The following RNF213 variants were observed in gnomAD, a reference collection of about 807,000 sequenced individuals.
RNF213 encodes E3 ubiquitin-protein ligase RNF213.
In RNF213, 341 loss-of-function variants were observed where a neutral mutation model predicts 514.4. That is an observed-to-expected ratio of 0.66 (90% confidence interval 0.61 to 0.73). The LOEUF (loss-of-function observed/expected upper bound fraction) is 0.73, where lower values mean the gene tolerates loss of function less well. Among genes scored for constraint, RNF213 ranks in the 30% least tolerant of loss-of-function variants. The pLI, the probability that RNF213 is intolerant of heterozygous loss-of-function variation, is 0.00. For missense variants in RNF213, 5,767 were observed against 6,615.6 expected, an observed-to-expected ratio of 0.87 and a Z score of 4.45; for synonymous variants, 2,655 against 2,658.2, an observed-to-expected ratio of 1.00 and a Z score of 0.04.
In RNF213 at chr17:80,346,495, G is replaced by A. The variant is rs538295524; in HGVS notation, c.8160G>A (p.Leu2720=). Residue 2720 remains leucine, a synonymous_variant, in exon 29 of 68, where the codon CTG becomes CTA. Transcript: ENST00000582970. This position sits in a 1 kb window ranked among gnomAD's most constrained non-coding sequence, Gnocchi z 8.1. ...FFPKPYDDSR[L]LLDEITRAQD... ...CGAAACCGTATGACGACAGCAGGCT[G>A]CTTCTGGATGAAATAACACGGGCAC... The A allele has an allele frequency of 1.2e-6, 2 of 1,613,800 alleles. No homozygotes were observed. The highest frequency in any genetic ancestry group is 1.7e-5 in the Admixed American group (1 of 60,024).
At chr17:80,306,152 G>C in intron 11 of RNF213, 100 bp from the exon 12 acceptor site, 1 of 1,168,256 alleles carries the variant, frequency 8.6e-7, no homozygotes, top group Non-Finnish European at 1.3e-6. Context: ...AATCATTTTT[G>C]AATTCGGGAC....
In RNF213 at chr17:80,325,111, T is replaced by A; in HGVS notation, c.3106T>A (p.Ser1036Thr). The change falls in exon 18 of 68, where the codon TCC becomes ACC. Residue 1036 changes from serine (S) to threonine (T), a missense_variant. Coordinates refer to ENST00000582970, the MANE Select transcript of RNF213 (RefSeq NM_001256071.3). ...GIVLSAVITKSWPRTADNFDD... is the reference protein window; with the variant it reads ...GIVLSAVITKTWPRTADNFDD... ...CGTCTTGTCTGCTGTGATCACTAAGTCCTGGCCTAGGACCGCGGACAACTT... is the reference window on the plus strand; with the variant it reads ...CGTCTTGTCTGCTGTGATCACTAAGACCTGGCCTAGGACCGCGGACAACTT... 6.5e-7 allele frequency: 1 copy of A among 1,537,196 alleles called. No individual in the cohort carries two copies. Among genetic ancestry groups the A allele is most frequent in the Non-Finnish European group, 8.7e-7 (1 of 1,146,902 alleles).
chr17:80,381,159 T>C (rs773336941), intron 56 of RNF213, 172 bp downstream of exon 56: 1 of 742,544 alleles, frequency 1.3e-6, no homozygotes, highest in South Asian at 1.5e-5. Flanking sequence ...TGGCGTATGA[T>C]GGTATGGGGG....
intron 2 of RNF213, among the ~76,000 whole-genome samples, chr17:80,267,731 C>T (rs1209181089): frequency 6.6e-6 from 1 of 152,160 alleles, no homozygotes; most frequent in African/African-American, 2.4e-5. Context: ...CAAGGTGAAG[C>T]AGCGAGTGCT....
rs2078345550 is a variant in RNF213, at chr17:80,347,311, C to T, written c.8976C>T (p.Asp2992=). 2 of 1,614,034 alleles carry T rather than the reference C, an allele frequency of 1.2e-6. No individual in the cohort carries two copies. The highest frequency in any genetic ancestry group is 8.5e-7 in the Non-Finnish European group (1 of 1,180,016). The change falls in exon 29 of 68, where the codon GAC becomes GAT. Residue 2992 remains aspartate (D), a synonymous_variant. Transcript: ENST00000582970. This position sits in a 1 kb window ranked among gnomAD's most constrained non-coding sequence, Gnocchi z 7.2. ...AVLRNFSGKD[D]IQALDIFLAN... is the part of the protein sequence containing the mutation. ...TTAGGAACTTCAGTGGCAAGGATGA[C>T]ATCCAAGCTTTGGACATCTTTCTGG... is the stretch of plus-strand genomic sequence containing the variant.
chr17:80,377,280 A>G lies in RNF213; in HGVS notation c.13510+317A>G. The G allele has an allele frequency of 2.3e-6, 1 of 429,830 alleles. No homozygotes were observed. The highest frequency in any genetic ancestry group is 4.3e-6 in the Non-Finnish European group (1 of 234,428). 26.6% of individuals were successfully genotyped at this position (429,830 alleles called of 1,614,324 possible). ...ACATCAGAGACGCATTCAAAGGCCC[A>G]CCACAAAACAAAGTTTTTGACACAA... On this transcript the variant is annotated intron_variant, in intron 53 of 67. Coordinates refer to ENST00000582970, the MANE Select transcript of RNF213 (RefSeq NM_001256071.3). The surrounding 1 kb of genome is among the most constrained non-coding windows in gnomAD (Gnocchi z 4.1).
chr17:80,292,810 C>T (rs1372011196), intron 8 of RNF213, among the ~76,000 whole-genome samples: 1 of 152,116 alleles, frequency 6.6e-6, no homozygotes, highest in African/African-American at 2.4e-5. Context: ...CCTCCCTGCA[C>T]AGTGACCCTG....
chr17:80,287,519 C>G (rs545101774), intron 3 of RNF213, among the ~76,000 whole-genome samples: 1 of 152,152 alleles, frequency 6.6e-6, no homozygotes, highest in African/African-American at 2.4e-5. Context: ...TAAATAAATA[C>G]AAATCCATCT....
rs143520187 is a variant in RNF213, at chr17:80,268,609, GTCCATCCA to G, written c.98-4612_98-4605del. On this transcript the variant is annotated intron_variant, in intron 2 of 67. Coordinates refer to ENST00000582970, the MANE Select transcript of RNF213 (RefSeq NM_001256071.3). ...TACATCCTCTCTCATCCATCTGTTT[GTCCATCCA>G]TCCATCCATCCATCCATCCGTTTAT... Among the ~76,000 whole-genome samples, 4 of 147,418 alleles carry G rather than the reference GTCCATCCA, an allele frequency of 2.7e-5. No homozygotes were observed. In the East Asian group the frequency reaches 7.9e-4, roughly 29 times the overall value.
chr17:80,338,253 G>A (rs2078046463), intron 25 of RNF213, among the ~76,000 whole-genome samples: 2 of 152,156 alleles, frequency 1.3e-5, no homozygotes, highest in Non-Finnish European at 2.9e-5. Flanking sequence ...GATGAACGCT[G>A]AAGCTGGCAG....
chr17:80,273,480 T>C (rs2145149507), intron 3 of RNF213, 76 bp downstream of exon 3: 2 of 1,586,228 alleles, frequency 1.3e-6, no homozygotes, highest in South Asian at 2.2e-5. Context: ...GCTGCCCAGC[T>C]AGCCCCCGAA....
rs9907705 is a variant in RNF213, at chr17:80,333,310, G to A, written c.4143+679G>A. ...CTCCTGACCTCGTGATCCACCCACC[G>A]TGGCCTCCCAAAGTGCTGGGATTAC... On this transcript the variant is annotated intron_variant, in intron 21 of 67. Transcript: ENST00000582970. Among the ~76,000 whole-genome samples the A allele has an allele frequency of 2.7e-4, 40 of 150,386 alleles. 1 individual carries two copies. The highest frequency in any genetic ancestry group is 7.3e-4 in the Admixed American group (11 of 15,168).
rs779060185 is a variant in RNF213 at position 80,353,990 on chromosome 17, A to G, written c.10579-29A>G. Reference sequence around the variant, plus strand: ...TTTGCCCACTGTGTCAGTGGCAGAAACGGATGACCCAACCGTCTCCACCAA... The same window carrying G: ...TTTGCCCACTGTGTCAGTGGCAGAAGCGGATGACCCAACCGTCTCCACCAA... On this transcript the variant is annotated intron_variant, in intron 34 of 67. Transcript: ENST00000582970. This position sits in a 1 kb window ranked among gnomAD's most constrained non-coding sequence, Gnocchi z 5.0. 4 of 1,613,346 alleles carry G rather than the reference A, an allele frequency of 2.5e-6. No individual in the cohort carries two copies. The African/African-American group carries it at 5.3e-5, about 22-fold the overall frequency.
At chr17:80,279,165 T>TC (rs1568003410) in intron 3 of RNF213, among the ~76,000 whole-genome samples, 1 of 152,216 alleles carries the variant, frequency 6.6e-6, no homozygotes, top group Non-Finnish European at 1.5e-5. Context: ...CCCACATCCT[T>TC]CCACTTGCCT....
intron 2 of RNF213, among the ~76,000 whole-genome samples, chr17:80,267,477 A>G (rs1011103730): frequency 3.9e-5 from 6 of 152,156 alleles, no homozygotes; most frequent in African/African-American, 9.7e-5. Flanking sequence ...ATGAACACAC[A>G]AATGATTAGA....
chr17:80,374,900 AAC>A (rs1190600209), intron 50 of RNF213: 1 of 393,230 alleles, frequency 2.5e-6, no homozygotes, highest in Non-Finnish European at 4.9e-6. Flanking sequence ...CCTGCTGGAA[AAC>A]AGTCTAAGAA....
intron 40 of RNF213, 76 bp from the exon 41 acceptor site, chr17:80,363,533 C>A: frequency 7.3e-6 from 11 of 1,513,108 alleles, no homozygotes; most frequent in Non-Finnish European, 1.0e-5. Context: ...AGTATACATG[C>A]AGCTAACAGC....
At chr17:80,385,946 G>C (rs879534032) in intron 61 of RNF213, among the ~76,000 whole-genome samples, 1 of 152,168 alleles carries the variant, frequency 6.6e-6, no homozygotes, top group Non-Finnish European at 1.5e-5. Context: ...GATTACAAGC[G>C]GGAGCCACTG....
chr17:80,385,241 G>C (rs546534418), intron 60 of RNF213, 70 bp downstream of exon 60: 1 of 1,588,694 alleles, frequency 6.3e-7, no homozygotes, highest in Non-Finnish European at 8.6e-7. Flanking sequence ...CTGCATAGGG[G>C]AACAGGGTGG....
Sources: allele counts gnomAD v4.1 joint callset (sites outside exome capture counted in the v4.1 genomes callset), GRCh38; gene constraint gnomAD v4.1.1; non-coding constraint Gnocchi (gnomAD v3.1); transcripts MANE v1.5; gene names NCBI Gene and HGNC (gene_info 2026-07-23, HGNC 2026-07-21).